The following SLC25A16 variants were observed in gnomAD, a reference collection of about 807,000 sequenced individuals.
SLC25A16 encodes solute carrier family 25 member 16, also known as mitochondrial coenzyme A transporter SLC25A16.
A neutral mutation model predicts 41.5 loss-of-function variants in SLC25A16; 39 were observed. That is an observed-to-expected ratio of 0.94 (90% CI 0.73 to 1.23). The LOEUF (loss-of-function observed/expected upper bound fraction) is 1.23. Ranked by LOEUF, SLC25A16 falls within the 50% of genes most tolerant of loss-of-function variation. The pLI is 0.00. For synonymous variants in SLC25A16, 146 were observed against 147.8 expected (o/e 0.99, Z 0.09); for missense variants, 421 against 426.9 (o/e 0.99, Z 0.12).
At chr10:68,516,868 A>G in intron 1 of SLC25A16, 25 bp from the exon 2 acceptor site, 2 of 1,526,032 alleles carry the variant, frequency 1.3e-6, no homozygotes, top group South Asian at 1.1e-5. Flanking sequence ...AAAGGTCAGG[A>G]AGAAATTGCG....
intron 4 of SLC25A16, among the ~76,000 whole-genome samples, chr10:68,497,064 G>A (rs887819923): frequency 6.6e-6 from 1 of 152,170 alleles, no homozygotes; most frequent in African/African-American, 2.4e-5. Flanking sequence ...ATAATACAGG[G>A]TTGAAGTATA....
At chr10:68,484,451 A>G (rs2052527075) in intron 8 of SLC25A16, among the ~76,000 whole-genome samples, 1 of 145,766 alleles carries the variant, frequency 6.9e-6, no homozygotes, top group Non-Finnish European at 1.5e-5. Flanking sequence ...TTTAAGAGAC[A>G]GGTTCTCACT....
At chr10:68,507,491 C>CAATAG (rs141567229) in intron 2 of SLC25A16, among the ~76,000 whole-genome samples, 3,682 of 152,112 alleles carry the variant, frequency 0.024, 156 homozygotes, top group African/African-American at 0.084. Context: ...AATAAAAAGA[C>CAATAG]TACCTATTAA....
intron 7 of SLC25A16, among the ~76,000 whole-genome samples, chr10:68,487,699 G>A (rs1257883798): frequency 6.6e-6 from 1 of 152,182 alleles, no homozygotes; most frequent in African/African-American, 2.4e-5. Flanking sequence ...ATTAACAAAT[G>A]TCCACTGGTG....
At chr10:68,495,145 T>C (rs549851580) in intron 4 of SLC25A16, among the ~76,000 whole-genome samples, 1 of 152,114 alleles carries the variant, frequency 6.6e-6, no homozygotes, top group South Asian at 2.1e-4. Context: ...ATGTGGTGGC[T>C]CACACCTGTA....
In SLC25A16 at chr10:68,488,507, G is replaced by T; in HGVS notation, c.733C>A (p.Leu245Ile). ...VLVLKTHVNL[L>I]CGGVAGAIAQ... ...ATTGCTCCAGCAACACCACCACAAA[G>T]TAAGTTTACATGAGTTTTCAAAACT... The change falls in exon 7 of 9, where the codon CTT (leucine) becomes ATT (isoleucine). Residue 245 changes from leucine to isoleucine, a missense_variant. Leu to Ile is a conservative substitution (Grantham distance 5, BLOSUM62 2). Coordinates refer to ENST00000609923, the MANE Select transcript of SLC25A16 (RefSeq NM_152707.4). 6.4e-7 allele frequency: 1 copy of T among 1,570,820 alleles called. No individual in the cohort carries two copies. The highest frequency in any genetic ancestry group is 2.3e-5 in the East Asian group (1 of 43,402).
At chr10:68,510,722 C>T (rs1183851288) in intron 2 of SLC25A16, among the ~76,000 whole-genome samples, 2 of 152,048 alleles carry the variant, frequency 1.3e-5, no homozygotes, top group African/African-American at 4.8e-5. Flanking sequence ...GCTGCAGTCC[C>T]AGCTACTTGA....
intron 2 of SLC25A16, among the ~76,000 whole-genome samples, chr10:68,510,149 G>C (rs1290075641): frequency 6.6e-6 from 1 of 152,078 alleles, no homozygotes; most frequent in Non-Finnish European, 1.5e-5. Flanking sequence ...GAAGTAATGT[G>C]ACACTTTTTA....
In SLC25A16 at chr10:68,488,478, C is replaced by T. The variant is rs540583345; in HGVS notation, c.762G>A (p.Ala254=). 32 of 1,537,972 alleles carry T rather than the reference C, an allele frequency of 2.1e-5. No homozygotes were observed. The highest frequency in any genetic ancestry group is 1.6e-4 in the South Asian group (13 of 78,854). Residue 254 remains alanine (A), a synonymous_variant, in exon 7 of 9, where the codon GCG becomes GCA. Coordinates refer to ENST00000609923, the MANE Select transcript of SLC25A16 (RefSeq NM_152707.4). ...GTGAAGAAACTTACGATATTGTCTG[C>T]GCTATTGCTCCAGCAACACCACCAC... is the stretch of plus-strand genomic sequence containing the variant. ...LLCGGVAGAI[A]QTISYPFDVT...
Position 68,527,461 on chromosome 10 carries a change from G to A in SLC25A16, c.-86C>T. 1 of 1,317,678 alleles carries A rather than the reference G, an allele frequency of 7.6e-7. No individual in the cohort carries two copies. The highest frequency in any genetic ancestry group is 3.5e-5 in the Admixed American group (1 of 28,912). 81.6% of individuals were successfully genotyped at this position (1,317,678 alleles called of 1,614,324 possible). On this transcript the variant is annotated 5_prime_UTR_variant, in exon 1 of 9. Coordinates refer to ENST00000609923, the MANE Select transcript of SLC25A16 (RefSeq NM_152707.4). ...TAGCCGGAACAGGCGGTGACAGGAG[G>A]CTGACCGCCCCGCCGGCGGGGCAAA...
At chr10:68,487,283 C>T (rs999265667) in intron 7 of SLC25A16, 71 bp from the exon 8 acceptor site, 4 of 1,085,148 alleles carry the variant, frequency 3.7e-6, no homozygotes, top group Admixed American at 1.8e-5. Flanking sequence ...GAATACAAAG[C>T]CCTATAAATT....
At chr10:68,521,233 C>A (rs2053244776) in intron 1 of SLC25A16, among the ~76,000 whole-genome samples, 1 of 151,984 alleles carries the variant, frequency 6.6e-6, no homozygotes, top group Admixed American at 6.6e-5. Flanking sequence ...TTTAGAAATA[C>A]TTTGACAGTT....
chr10:68,522,183 A>T (rs2053261538), intron 1 of SLC25A16, among the ~76,000 whole-genome samples: 1 of 151,996 alleles, frequency 6.6e-6, no homozygotes, highest in African/African-American at 2.4e-5. Flanking sequence ...AAGAAAAAAG[A>T]AAAGAAGGAA....
In SLC25A16 at chr10:68,524,330, A is replaced by G. The variant is rs78785219; in HGVS notation, c.130+2916T>C. On this transcript the variant is annotated intron_variant, in intron 1 of 8. Coordinates refer to ENST00000609923, the MANE Select transcript of SLC25A16 (RefSeq NM_152707.4). ...CATCTCAAAAAAAAAAAAAAAAAAA[A>G]AGAGAGATCGAGACCATCCTGGCCA... 5.3e-4 allele frequency among the ~76,000 whole-genome samples: 71 copies of G among 134,218 alleles called. 1 individual carries two copies. Among genetic ancestry groups the G allele is most frequent in the Non-Finnish European group, 2.9e-4 (18 of 62,412 alleles). The allele number at this position is 134,218 out of a possible 152,430, so 88.1% of individuals were successfully genotyped here.
intron 2 of SLC25A16, among the ~76,000 whole-genome samples, chr10:68,513,180 A>T (rs906325365): frequency 1.4e-5 from 2 of 145,852 alleles, no homozygotes; most frequent in Admixed American, 6.9e-5. Context: ...CCTACTCTCT[A>T]TTTTTTTTTT....
intron 2 of SLC25A16, 82 bp from the exon 3 acceptor site, chr10:68,506,800 A>C: frequency 3.8e-6 from 3 of 781,852 alleles, no homozygotes. Context: ...ATAAAGATTA[A>C]TGTGCCATCA....
At chr10:68,525,679 A>G (rs937000395) in intron 1 of SLC25A16, among the ~76,000 whole-genome samples, 2 of 152,174 alleles carry the variant, frequency 1.3e-5, no homozygotes, top group African/African-American at 2.4e-5. Flanking sequence ...ACCTGTGGGG[A>G]AAAGCAAGAG....
chr10:68,489,902 A>G (rs2052628677), intron 6 of SLC25A16, among the ~76,000 whole-genome samples: 1 of 124,958 alleles, frequency 8.0e-6, no homozygotes, highest in Non-Finnish European at 1.8e-5. Context: ...TCTGTCTCAA[A>G]AAAAAAAAAA....
At chr10:68,501,293 G>A (rs2052840638) in intron 4 of SLC25A16, among the ~76,000 whole-genome samples, 1 of 151,938 alleles carries the variant, frequency 6.6e-6, no homozygotes, top group East Asian at 1.9e-4. Context: ...TGAAAAATTT[G>A]GAAACTTTCT....
Sources: allele counts gnomAD v4.1 joint callset (sites outside exome capture counted in the v4.1 genomes callset), GRCh38; gene constraint gnomAD v4.1.1; transcripts MANE v1.5; gene names NCBI Gene and HGNC (gene_info 2026-07-23, HGNC 2026-07-21).